Variants in PPP1R1C observed in about 807,000 individuals in gnomAD.
PPP1R1C encodes the protein protein phosphatase 1 regulatory subunit 1C.
PPP1R1C carries 15 observed loss-of-function variants against 17.4 expected under a neutral mutation model. That is an observed-to-expected ratio of 0.86 (90% CI 0.58 to 1.33). PPP1R1C has a LOEUF of 1.33. Ranked by LOEUF, PPP1R1C falls within the 40% of genes most tolerant of loss-of-function variation. The pLI is 0.00. For synonymous variants in PPP1R1C, 35 were observed against 43.1 expected, an observed-to-expected ratio of 0.81 and a Z score of 0.73; for missense variants, 143 against 130.0, an observed-to-expected ratio of 1.10 and a Z score of -0.48.
chr2:182,105,344 C>G (rs942652308), intron 4 of PPP1R1C, among the ~76,000 whole-genome samples: 4 of 152,100 alleles, frequency 2.6e-5, no homozygotes, highest in Non-Finnish European at 4.4e-5. Flanking sequence ...AAATTGTGGT[C>G]AAAAATTTTA....
At chr2:182,003,586 A>G (rs1204308975) in intron 2 of PPP1R1C, among the ~76,000 whole-genome samples, 2 of 152,096 alleles carry the variant, frequency 1.3e-5, no homozygotes, top group Admixed American at 6.6e-5. Context: ...AGCAGTTTAT[A>G]TCTCTGAATT....
chr2:182,124,004 T>A (rs1395363933), intron 5 of PPP1R1C, among the ~76,000 whole-genome samples: 17 of 152,246 alleles, frequency 1.1e-4, no homozygotes, highest in Non-Finnish European at 1.0e-4. Context: ...ATTTAAATCT[T>A]TAATCCATCT....
intron 2 of PPP1R1C, among the ~76,000 whole-genome samples, chr2:182,037,585 C>CAAAAA (rs71008206): frequency 0.019 from 2,340 of 124,458 alleles, 59 homozygotes; most frequent in African/African-American, 0.068. Context: ...GAATCCATCT[C>CAAAAA]AAAAAAAAAA....
chr2:181,957,276 G>C lies in PPP1R1C; in HGVS notation n.111+2642G>C, dbSNP rs947314083. On this transcript the variant is annotated intron_variant and non_coding_transcript_variant, in intron 1 of 5. Transcript: ENST00000464264. This position sits in a 1 kb window ranked among gnomAD's most constrained non-coding sequence, Gnocchi z 4.2. The stretch of plus-strand genomic sequence containing the variant: ...TCAGGAGGCTGAGGCAGAATTGCTT[G>C]AACCCGGGAGGTGGAGGTTGTGGTA... Among the ~76,000 whole-genome samples the C allele has an allele frequency of 1.3e-5, 2 of 152,160 alleles. No individual in the cohort carries two copies. The highest frequency in any genetic ancestry group is 1.3e-4 in the Admixed American group (2 of 15,284).
intron 4 of PPP1R1C, among the ~76,000 whole-genome samples, chr2:182,086,225 A>G (rs995008744): frequency 2.0e-5 from 3 of 152,170 alleles, no homozygotes; most frequent in Non-Finnish European, 4.4e-5. Context: ...TTAAGCTGTC[A>G]TAAGCTAACA....
chr2:182,105,676 G>A (rs2125230589), intron 4 of PPP1R1C, among the ~76,000 whole-genome samples: 1 of 152,286 alleles, frequency 6.6e-6, no homozygotes. Flanking sequence ...CAGCATAAAA[G>A]AAAGGAAGAT....
At chr2:182,090,957 T>A (rs1688763184) in intron 4 of PPP1R1C, among the ~76,000 whole-genome samples, 1 of 152,142 alleles carries the variant, frequency 6.6e-6, no homozygotes, top group Non-Finnish European at 1.5e-5. Context: ...TGTCCACAAG[T>A]CCTACCTTCC....
intron 2 of PPP1R1C, among the ~76,000 whole-genome samples, chr2:181,995,931 C>T (rs552134447): frequency 1.3e-5 from 2 of 152,086 alleles, no homozygotes; most frequent in Non-Finnish European, 2.9e-5. Flanking sequence ...GCCCCGGGAC[C>T]TGGGCAGGTG....
chr2:182,001,908 A>G (rs1368018533), intron 2 of PPP1R1C, among the ~76,000 whole-genome samples: 1 of 152,058 alleles, frequency 6.6e-6, no homozygotes, highest in African/African-American at 2.4e-5. Context: ...GAAACAACTT[A>G]TTTTTACCCT....
At chr2:181,973,922 A>G (rs1685054528) in intron 1 of PPP1R1C, among the ~76,000 whole-genome samples, 1 of 152,138 alleles carries the variant, frequency 6.6e-6, no homozygotes, top group African/African-American at 2.4e-5. Flanking sequence ...AATTACTGTT[A>G]GCACCAACTT....
intron 4 of PPP1R1C, among the ~76,000 whole-genome samples, chr2:182,083,430 A>G (rs369303054): frequency 6.6e-6 from 1 of 152,004 alleles, no homozygotes; most frequent in Non-Finnish European, 1.5e-5. Flanking sequence ...TGAGTCTCCA[A>G]TGTCTGTTAT....
intron 2 of PPP1R1C, among the ~76,000 whole-genome samples, chr2:182,041,905 G>A (rs1049572506): frequency 6.6e-5 from 10 of 151,968 alleles, no homozygotes; most frequent in African/African-American, 2.2e-4. Flanking sequence ...AATTTATAAT[G>A]TATTTATCTA....
intron 2 of PPP1R1C, among the ~76,000 whole-genome samples, chr2:182,028,735 G>A (rs1382436945): frequency 2.0e-5 from 3 of 147,282 alleles, no homozygotes; most frequent in Non-Finnish European, 3.0e-5. Flanking sequence ...GGTCTGCTTG[G>A]TGGAGAGCTG....
chr2:181,986,961 G>A (rs939724430), intron 1 of PPP1R1C, among the ~76,000 whole-genome samples: 1 of 152,118 alleles, frequency 6.6e-6, no homozygotes, highest in Non-Finnish European at 1.5e-5. Context: ...CCTTTTCCAA[G>A]TATTTGATAT....
chr2:182,097,219 A>G (rs1158084558), intron 4 of PPP1R1C, among the ~76,000 whole-genome samples: 1 of 152,140 alleles, frequency 6.6e-6, no homozygotes, highest in East Asian at 1.9e-4. Context: ...GAGGTTTTTC[A>G]TTAGAGTCCT....
intron 2 of PPP1R1C, among the ~76,000 whole-genome samples, chr2:182,007,146 A>T (rs1006355566): frequency 6.0e-4 from 92 of 152,246 alleles, no homozygotes; most frequent in African/African-American, 2.1e-3. Context: ...CATTTTTTGA[A>T]CCTATGAAAT....
Position 181,987,894 on chromosome 2 carries a change from C to A in PPP1R1C, c.137C>A (p.Pro46His), listed in dbSNP as rs762930073. Residue 46 changes from proline to histidine, a missense_variant, in exon 2 of 5, where the codon CCC (proline) becomes CAC (histidine). Pro to His is a moderately conservative substitution (Grantham distance 77). Coordinates refer to ENST00000682840, the MANE Select transcript of PPP1R1C (RefSeq NM_001080545.3). ...ASLVILNEHN[P>H]PEIDDKRGPN... ...CTTGTGATTCTCAATGAGCATAACC[C>A]CCCAGGTAAAGAAGCATGATGTGTT... 2 of 1,612,300 alleles carry A rather than the reference C, an allele frequency of 1.2e-6. No homozygotes were observed. The highest frequency in any genetic ancestry group is 3.3e-5 in the Admixed American group (2 of 59,878).
At position 181,959,863 on chromosome 2, in the gene PPP1R1C, A is replaced by G. The variant is rs7604575; in HGVS notation, n.111+5229A>G. On this transcript the variant is annotated intron_variant and non_coding_transcript_variant, in intron 1 of 5. Transcript: ENST00000464264. ...ACTTTAGCTTTTTAAGTGTTTTAGG[A>G]CTCTGCAGTATCCAGTTAATAATGT... Among the ~76,000 whole-genome samples, 172 of 152,152 alleles carry G rather than the reference A, an allele frequency of 1.1e-3. 2 individuals carry two copies. The highest frequency in any genetic ancestry group is 3.9e-3 in the African/African-American group (162 of 41,514).
At chr2:182,119,449 T>C (rs1420220624), downstream of PPP1R1C, among the ~76,000 whole-genome samples, 3 of 152,232 alleles carry the variant, frequency 2.0e-5, no homozygotes, top group East Asian at 5.8e-4. Flanking sequence ...TCAAATGGTA[T>C]TTCTACTTCT....
Sources: allele counts gnomAD v4.1 joint callset (sites outside exome capture counted in the v4.1 genomes callset), GRCh38; gene constraint gnomAD v4.1.1; non-coding constraint Gnocchi (gnomAD v3.1); transcripts MANE v1.5; gene names NCBI Gene and HGNC (gene_info 2026-07-23, HGNC 2026-07-21).